The following LRSAM1 variants were observed in gnomAD, a reference collection of about 807,000 sequenced individuals.
LRSAM1 encodes the protein leucine rich repeat and sterile alpha motif containing 1, also known as E3 ubiquitin-protein ligase LRSAM1.
LRSAM1 carries 96 observed loss-of-function variants against 118.1 expected under a neutral mutation model. The ratio of observed to expected loss-of-function variants is 0.81; its 90% CI spans 0.69 to 0.96. The LOEUF is 0.96. Among genes scored for constraint, LRSAM1 ranks in the 40% least tolerant of loss-of-function variants. The probability of loss-of-function intolerance (pLI) is 0.00; values close to 1 mark genes in which losing one functional copy is unlikely to be tolerated. For missense variants in LRSAM1, 804 were observed against 915.5 expected, an observed-to-expected ratio of 0.88 and a Z score of 1.57; for synonymous variants, 322 against 364.2, an observed-to-expected ratio of 0.88 and a Z score of 1.32.
At chr9:127,484,440 G>T (rs1304331509) in intron 16 of LRSAM1, among the ~76,000 whole-genome samples, 3 of 151,886 alleles carry the variant, frequency 2.0e-5, no homozygotes, top group Non-Finnish European at 4.4e-5. Flanking sequence ...CCTGCTCACT[G>T]CAGCCTCCAC....
At position 127,497,282 on chromosome 9, in the gene LRSAM1, C is replaced by T. The variant is rs147734401; in HGVS notation, c.1860C>T (p.His620=). ...GCGTCTCAGAAGCTGGCCTGCAGCA[C>T]GAGATCCTCCGGAGAGTCCAGGAAC... is the stretch of plus-strand genomic sequence containing the variant. The part of the protein sequence containing the change: ...KVGVSEAGLQ[H]EILRRVQELL... Residue 620 remains histidine (H), a synonymous_variant, in exon 24 of 26, where the codon CAC becomes CAT. Coordinates refer to ENST00000300417, the MANE Select transcript of LRSAM1 (RefSeq NM_001005373.4). 5.1e-4 allele frequency: 824 copies of T among 1,613,158 alleles called. 1 individual carries two copies. The highest frequency in any genetic ancestry group is 5.9e-4 in the Non-Finnish European group (697 of 1,179,974).
intron 9 of LRSAM1, 90 bp downstream of exon 9, chr9:127,462,463 C>T (rs1194113041): frequency 4.4e-6 from 7 of 1,592,832 alleles, no homozygotes; most frequent in African/African-American, 2.7e-5. Flanking sequence ...TCTGATCTCA[C>T]GGTACCAGGG....
In LRSAM1 at chr9:127,467,762, C is replaced by T. The variant is rs947752458; in HGVS notation, c.551C>T (p.Ala184Val). Residue 184 changes from alanine to valine, a missense_variant, in exon 10 of 26, where the codon GCC (alanine) becomes GTC (valine). Coordinates refer to ENST00000300417, the MANE Select transcript of LRSAM1 (RefSeq NM_001005373.4). ...TLEMLSLDAS[A>V]MVYPPREVCG... ...CAGATGCTGAGCCTTGACGCCTCGG[C>T]CATGGTCTACCCGCCGCGGGAGGTG... is the stretch of plus-strand genomic sequence containing the variant. 3.1e-6 allele frequency: 5 copies of T among 1,610,520 alleles called. No homozygotes were observed. The highest frequency in any genetic ancestry group is 4.2e-6 in the Non-Finnish European group (5 of 1,179,024).
chr9:127,481,369 C>T (rs994788076), intron 15 of LRSAM1, 142 bp downstream of exon 15: 2 of 819,050 alleles, frequency 2.4e-6, no homozygotes, highest in South Asian at 1.5e-5. Flanking sequence ...TCCCCTGCCT[C>T]AGCCTCCCGA....
At position 127,473,879 on chromosome 9, in the gene LRSAM1, A is replaced by G; in HGVS notation, c.698A>G (p.Asp233Gly). ...LEQDGIENSRDSPDGPTDRFS... is the reference protein window; with the variant it reads ...LEQDGIENSRGSPDGPTDRFS... ...CAAGATGGAATCGAGAACTCTCGGG[A>G]CAGCCCTGATGGGCCCACGGACAGA... Residue 233 changes from aspartate to glycine, a missense_variant, in exon 11 of 26, where the codon GAC (aspartate) becomes GGC (glycine). Coordinates refer to ENST00000300417, the MANE Select transcript of LRSAM1 (RefSeq NM_001005373.4). The G allele has an allele frequency of 6.2e-7, 1 of 1,614,250 alleles. No homozygotes were observed. The highest frequency in any genetic ancestry group is 8.5e-7 in the Non-Finnish European group (1 of 1,180,046).
chr9:127,455,241 A>G (rs750570495), intron 4 of LRSAM1, among the ~76,000 whole-genome samples, 187 bp downstream of exon 4: 3 of 151,754 alleles, frequency 2.0e-5, no homozygotes. Flanking sequence ...AATATAACGT[A>G]GTCTCCAAGA....
intron 21 of LRSAM1, 78 bp downstream of exon 21, chr9:127,492,975 CT>C: frequency 8.5e-7 from 1 of 1,171,312 alleles, no homozygotes; most frequent in Admixed American, 1.9e-5. Flanking sequence ...TTAGAAACAC[CT>C]GTTATTCAAG....
intron 3 of LRSAM1, 26 bp downstream of exon 3, chr9:127,454,625 C>T (rs1235866603): frequency 6.2e-7 from 1 of 1,610,658 alleles, no homozygotes; most frequent in East Asian, 2.2e-5. Flanking sequence ...TTTCCTCTAA[C>T]TCTATCCCAT....
chr9:127,486,903 C>CTGGGCGCA (rs1835750949), intron 17 of LRSAM1, among the ~76,000 whole-genome samples: 1 of 152,160 alleles, frequency 6.6e-6, no homozygotes, highest in Admixed American at 6.5e-5. Flanking sequence ...AAGATGGTGG[C>CTGGGCGCA]TGGGCGCAGT....
intron 14 of LRSAM1, among the ~76,000 whole-genome samples, chr9:127,480,253 A>T (rs1435730701): frequency 6.6e-6 from 1 of 152,218 alleles, no homozygotes; most frequent in Non-Finnish European, 1.5e-5. Flanking sequence ...CTTCCCATCT[A>T]TAAAGTGAGT....
chr9:127,461,790 C>CA (rs1564254917), intron 8 of LRSAM1, among the ~76,000 whole-genome samples: 3 of 152,278 alleles, frequency 2.0e-5, no homozygotes, highest in Admixed American at 6.5e-5. Flanking sequence ...CAGGAGCGCT[C>CA]TGCTCGCCAC....
intron 18 of LRSAM1, among the ~76,000 whole-genome samples, chr9:127,488,557 C>T (rs1379263829): frequency 1.3e-5 from 2 of 151,770 alleles, no homozygotes; most frequent in Non-Finnish European, 2.9e-5. Context: ...ACACCGTGCC[C>T]AGCCTGTTTA....
At chr9:127,470,936 G>A (rs912702796) in intron 10 of LRSAM1, 6 of 151,948 alleles carry the variant, frequency 3.9e-5, no homozygotes, top group Admixed American at 3.9e-4. Context: ...CAGATTTAAG[G>A]CCTTGTTCCA....
intron 21 of LRSAM1, 144 bp from the exon 22 acceptor site, chr9:127,495,176 C>A (rs2132109804): frequency 3.0e-6 from 2 of 663,134 alleles, no homozygotes; most frequent in African/African-American, 1.8e-5. Flanking sequence ...TGGTCTTGAA[C>A]TCCCGACCTC....
chr9:127,454,771 C>G lies in LRSAM1; in HGVS notation c.72+172C>G, dbSNP rs2243509. Among the ~76,000 whole-genome samples the G allele has an allele frequency of 0.41, 62,017 of 151,980 alleles. 13,846 individuals carry two copies. The highest frequency in any genetic ancestry group is 0.5 in the Non-Finnish European group (33,895 of 67,962). On this transcript the variant is annotated intron_variant, in intron 3 of 25. Transcript: ENST00000300417. ...ATGAGGCCCCCTGCCAAGGGTGCTT[C>G]TCCCCTGTAGACTGAGCGCACTGTC...
At chr9:127,481,357 A>C in intron 15 of LRSAM1, 130 bp downstream of exon 15, 1 of 913,150 alleles carries the variant, frequency 1.1e-6, no homozygotes, top group Non-Finnish European at 1.7e-6. Flanking sequence ...GGTCCAAGCA[A>C]TTCCCCTGCC....
At chr9:127,487,823 C>T in intron 18 of LRSAM1, 60 bp downstream of exon 18, 1 of 1,448,152 alleles carries the variant, frequency 6.9e-7, no homozygotes, top group Non-Finnish European at 9.6e-7. Flanking sequence ...GGAGCCAGGG[C>T]AGAGTGCAGA....
At chr9:127,458,945 A>G (rs941081864) in intron 6 of LRSAM1, 58 bp from the exon 7 acceptor site, 1 of 1,581,566 alleles carries the variant, frequency 6.3e-7, no homozygotes, top group African/African-American at 1.3e-5. Context: ...AGCGCTCTGG[A>G]GCCCGGAGTC....
At chr9:127,489,666 C>A in intron 19 of LRSAM1, 148 bp downstream of exon 19, 2 of 857,174 alleles carry the variant, frequency 2.3e-6, no homozygotes, top group South Asian at 1.5e-5. Context: ...GCCCTCAGAA[C>A]CTCCCTTTGC....
Sources: gnomAD v4.1 joint callset for allele counts (sites outside exome capture counted in the v4.1 genomes callset) on GRCh38, gnomAD v4.1.1 for gene constraint, MANE v1.5 for transcripts, NCBI Gene and HGNC (gene_info 2026-07-23, HGNC 2026-07-21) for gene names.